Variants in ZMAT4 observed in about 807,000 individuals in gnomAD.
The protein encoded by ZMAT4 is zinc finger matrin-type protein 4.
Under a neutral mutation model 28.7 loss-of-function variants are expected in ZMAT4, and 17 were observed. The observed-to-expected ratio is 0.59, with a 90% CI of 0.41 to 0.89. ZMAT4 has a LOEUF of 0.89. Among genes scored for constraint, ZMAT4 ranks in the 40% least tolerant of loss-of-function variants. The pLI is 0.00. For synonymous variants in ZMAT4, 117 were observed against 109.2 expected (o/e 1.07, Z -0.44); for missense variants, 240 against 283.8 (o/e 0.85, Z 1.11).
intron 5 of ZMAT4, among the ~76,000 whole-genome samples, chr8:40,628,298 T>C (rs144998942): frequency 6.6e-5 from 10 of 152,322 alleles, no homozygotes; most frequent in African/African-American, 2.2e-4. Context: ...CGGTAATATA[T>C]GGATCAAAGG....
chr8:40,859,179 G>A (rs1817402798), intron 1 of ZMAT4, among the ~76,000 whole-genome samples: 1 of 152,194 alleles, frequency 6.6e-6, no homozygotes, highest in African/African-American at 2.4e-5. Flanking sequence ...AATACCCAGT[G>A]AAGTCCTGTG....
chr8:40,705,914 A>G (rs914259672), intron 3 of ZMAT4, among the ~76,000 whole-genome samples: 2 of 152,214 alleles, frequency 1.3e-5, no homozygotes, highest in African/African-American at 2.4e-5. Context: ...TTCCAAATCA[A>G]GTGTATATTT....
At chr8:40,643,171 C>T (rs547181517) in intron 5 of ZMAT4, among the ~76,000 whole-genome samples, 1 of 152,140 alleles carries the variant, frequency 6.6e-6, no homozygotes, top group South Asian at 2.1e-4. Flanking sequence ...TGTGCCCACA[C>T]ACTAGATAAG....
chr8:40,647,079 G>A (rs1197131882), intron 5 of ZMAT4, among the ~76,000 whole-genome samples: 1 of 152,206 alleles, frequency 6.6e-6, no homozygotes, highest in East Asian at 1.9e-4. Context: ...GAGCCAAGAT[G>A]GCCTAATAGG....
intron 1 of ZMAT4, among the ~76,000 whole-genome samples, chr8:40,878,982 G>C (rs1237000289): frequency 6.6e-6 from 1 of 152,198 alleles, no homozygotes; most frequent in African/African-American, 2.4e-5. Context: ...CTGTGGCTTT[G>C]CTACTGACTA....
At chr8:40,806,228 T>C (rs572018507) in intron 2 of ZMAT4, among the ~76,000 whole-genome samples, 68 of 152,380 alleles carry the variant, frequency 4.5e-4, no homozygotes, top group African/African-American at 1.5e-3. Context: ...ACAGTGTGAA[T>C]ACTCACTGGG....
chr8:40,703,182 C>G (rs1292757091), intron 3 of ZMAT4, among the ~76,000 whole-genome samples: 2 of 152,136 alleles, frequency 1.3e-5, no homozygotes, highest in African/African-American at 2.4e-5. Context: ...TTGATGACAA[C>G]TTTATAGAAC....
At position 40,674,723 on chromosome 8, in the gene ZMAT4, C is replaced by T; in HGVS notation, c.558G>A (p.Leu186=). 6.2e-7 allele frequency: 1 copy of T among 1,613,850 alleles called. No individual in the cohort carries two copies. Among genetic ancestry groups the T allele is most frequent in the Non-Finnish European group, 8.5e-7 (1 of 1,179,828 alleles). Reference sequence around the variant, plus strand: ...CCTTACCTCTCAGTTCCCCCATATCCAGGGTTGTCCCCAGTTGTTCTAACA... The same window carrying T: ...CCTTACCTCTCAGTTCCCCCATATCTAGGGTTGTCCCCAGTTGTTCTAACA... ...VALLEQLGTT[L]DMGELRGLRR... is the part of the protein sequence containing the mutation. Residue 186 remains leucine (L), a synonymous_variant, in exon 5 of 7, where the codon CTG becomes CTA. Transcript: ENST00000297737.
chr8:40,599,619 C>T (rs1805227947), intron 5 of ZMAT4, among the ~76,000 whole-genome samples: 2 of 152,240 alleles, frequency 1.3e-5, no homozygotes, highest in South Asian at 2.1e-4. Flanking sequence ...ATGTCAGCTT[C>T]CCTTCAACCT....
At chr8:40,731,438 C>T (rs1283228946) in intron 3 of ZMAT4, among the ~76,000 whole-genome samples, 1 of 118,144 alleles carries the variant, frequency 8.5e-6, no homozygotes, top group Non-Finnish European at 1.9e-5. Flanking sequence ...GAGAGAGAAA[C>T]AGACAAAAAC....
At chr8:40,660,139 A>G (rs1280343627) in intron 5 of ZMAT4, among the ~76,000 whole-genome samples, 1 of 152,136 alleles carries the variant, frequency 6.6e-6, no homozygotes, top group Non-Finnish European at 1.5e-5. Context: ...AAGTTATTGC[A>G]TATTTTTGTT....
rs138437381 is a variant in ZMAT4, at chr8:40,758,543, A to G, written c.192+9098T>C. ...ACCCTTAACCATTCCTTCCCTGAAT[A>G]TAGATTTTCTGTAAATGACAATGTC... On this transcript the variant is annotated intron_variant, in intron 3 of 6. Transcript: ENST00000297737. Among the ~76,000 whole-genome samples the G allele has an allele frequency of 1.7e-3, 261 of 152,354 alleles. 1 individual carries two copies. The highest frequency in any genetic ancestry group is 5.5e-3 in the African/African-American group (229 of 41,578).
chr8:40,630,191 T>C (rs1299574649), intron 5 of ZMAT4, among the ~76,000 whole-genome samples: 2 of 152,224 alleles, frequency 1.3e-5, no homozygotes, highest in Admixed American at 1.3e-4. Context: ...AGTTTTCTTT[T>C]CTTCTTTAAA....
At chr8:40,772,051 A>C (rs7845287) in intron 2 of ZMAT4, among the ~76,000 whole-genome samples, 1,651 of 152,326 alleles carry the variant, frequency 0.011, 21 homozygotes, top group African/African-American at 0.038. Context: ...ATTAAGGGAA[A>C]AGACATGAAA....
In ZMAT4 at chr8:40,815,054, C is replaced by G. The variant is rs1815475720; in HGVS notation, c.102+10521G>C. On this transcript the variant is annotated intron_variant, in intron 2 of 6. Transcript: ENST00000297737. ...CTTTGGGAGGCCAAGGCAGGCAGAT[C>G]ACTTGAGGTCAGGAGTTCAAAACCA... Among the ~76,000 whole-genome samples the G allele has an allele frequency of 3.3e-5, 5 of 152,120 alleles. No individual in the cohort carries two copies. The South Asian group carries it at 1.0e-3, about 32-fold the overall frequency.
chr8:40,623,140 C>A (rs1475492914), intron 5 of ZMAT4, among the ~76,000 whole-genome samples: 1 of 152,026 alleles, frequency 6.6e-6, no homozygotes, highest in Non-Finnish European at 1.5e-5. Flanking sequence ...GTGCAAAGCA[C>A]TGAGCAAAAT....
chr8:40,573,684 A>G (rs1311168096), intron 6 of ZMAT4, among the ~76,000 whole-genome samples: 2 of 152,214 alleles, frequency 1.3e-5, no homozygotes, highest in Non-Finnish European at 2.9e-5. Flanking sequence ...TAAAATGGCA[A>G]AGGCTATCTG....
intron 1 of ZMAT4, among the ~76,000 whole-genome samples, chr8:40,826,976 G>C (rs1816077248): frequency 6.6e-6 from 1 of 152,182 alleles, no homozygotes; most frequent in Admixed American, 6.5e-5. Flanking sequence ...ACAGCATGCT[G>C]TATGAAGAGG....
chr8:40,692,106 C>T (rs919246377), intron 4 of ZMAT4, among the ~76,000 whole-genome samples: 8 of 152,168 alleles, frequency 5.3e-5, no homozygotes, highest in African/African-American at 1.9e-4. Context: ...AATTTTTACA[C>T]ATCGAACAAG....
Sources: gnomAD v4.1 joint callset for allele counts (sites outside exome capture counted in the v4.1 genomes callset) on GRCh38, gnomAD v4.1.1 for gene constraint, MANE v1.5 for transcripts, NCBI Gene and HGNC (gene_info 2026-07-23, HGNC 2026-07-21) for gene names.